CCSER1: variants seen among roughly 807,000 people sequenced by gnomAD.
CCSER1 encodes serine-rich coiled-coil domain-containing protein 1.
In CCSER1, 41 loss-of-function variants were observed where a neutral mutation model predicts 82.0. The observed-to-expected ratio is 0.50, with a 90% CI of 0.39 to 0.65. CCSER1 has a LOEUF of 0.65. Ranked by LOEUF, CCSER1 falls within the 30% of genes least tolerant of loss-of-function variation. CCSER1 has a pLI of 0.00. For synonymous variants in CCSER1, 414 were observed against 383.9 expected (o/e 1.08, Z -0.92); for missense variants, 1,119 against 1,064.2 (o/e 1.05, Z -0.72).
intron 4 of CCSER1, among the ~76,000 whole-genome samples, chr4:90,428,761 G>T (rs144352939): frequency 6.6e-6 from 1 of 151,792 alleles, no homozygotes; most frequent in East Asian, 1.9e-4. Flanking sequence ...AGAGTGAACT[G>T]TATTTATTTT....
Position 91,097,520 on chromosome 4 carries a change from C to T in CCSER1, c.2217+11526C>T, listed in dbSNP as rs1398027065. Among the ~76,000 whole-genome samples, 10 of 152,214 alleles carry T rather than the reference C, an allele frequency of 6.6e-5. No individual in the cohort carries two copies. In the East Asian group the frequency reaches 1.9e-3, roughly 29 times the overall value. ...TTCTGAAAAAAGGTTAATATTGGTA[C>T]ACTTGAATATTTTAGATAGTTTATA... On this transcript the variant is annotated intron_variant, in intron 10 of 10. Coordinates refer to ENST00000509176, the MANE Select transcript of CCSER1 (RefSeq NM_001145065.2).
intron 1 of CCSER1, among the ~76,000 whole-genome samples, chr4:90,301,602 T>G (rs1434406789): frequency 6.6e-6 from 1 of 152,098 alleles, no homozygotes. Flanking sequence ...TGTAACAAAT[T>G]TGTTTTTTCA....
At chr4:91,504,441 CT>C (rs1759379252) in intron 10 of CCSER1, among the ~76,000 whole-genome samples, 1 of 152,042 alleles carries the variant, frequency 6.6e-6, no homozygotes, top group African/African-American at 2.4e-5. Context: ...CAAGATTAGT[CT>C]TATGTTGCCT....
chr4:90,968,526 CAG>C (rs1734783770), intron 9 of CCSER1, among the ~76,000 whole-genome samples: 1 of 152,006 alleles, frequency 6.6e-6, no homozygotes, highest in African/African-American at 2.4e-5. Flanking sequence ...AGAAAATAAA[CAG>C]GGGACTCTCA....
chr4:91,211,375 A>G (rs1009918886), intron 10 of CCSER1, among the ~76,000 whole-genome samples: 3 of 152,032 alleles, frequency 2.0e-5, no homozygotes, highest in African/African-American at 7.2e-5. Context: ...TTAAGCTTTG[A>G]GAAAGGTTCT....
intron 1 of CCSER1, among the ~76,000 whole-genome samples, chr4:90,128,598 G>GC (rs1277734630): frequency 2.0e-5 from 3 of 152,064 alleles, no homozygotes; most frequent in African/African-American, 7.2e-5. Context: ...ACCGCATGTG[G>GC]CCCCCTGGCC....
chr4:91,263,869 A>G (rs991424145), intron 10 of CCSER1, among the ~76,000 whole-genome samples: 1 of 151,942 alleles, frequency 6.6e-6, no homozygotes, highest in Non-Finnish European at 1.5e-5. Context: ...TTGCTTTGCC[A>G]TAATATGTAT....
rs1391563618 is a variant in CCSER1 at position 91,014,412 on chromosome 4, C to T, written c.2173-71538C>T. Among the ~76,000 whole-genome samples the T allele has an allele frequency of 2.2e-5, 3 of 134,802 alleles. 1 individual carries two copies. In the East Asian group the frequency reaches 7.1e-4, roughly 32 times the overall value. 88.4% of individuals were successfully genotyped at this position (134,802 alleles called of 152,430 possible). Reference sequence around the variant, plus strand: ...CCTACCCTTAGAGTACCTCTGGTCACTTTTACTGCTTCTACTTCTCCACAC... The same window carrying T: ...CCTACCCTTAGAGTACCTCTGGTCATTTTTACTGCTTCTACTTCTCCACAC... On this transcript the variant is annotated intron_variant, in intron 9 of 10. Coordinates refer to ENST00000509176, the MANE Select transcript of CCSER1 (RefSeq NM_001145065.2).
chr4:90,400,599 T>C (rs1401676455), intron 4 of CCSER1, among the ~76,000 whole-genome samples: 1 of 152,086 alleles, frequency 6.6e-6, no homozygotes, highest in Admixed American at 6.5e-5. Flanking sequence ...TAATTACCAG[T>C]AGCAGTCACA....
At chr4:91,116,556 T>C (rs1726623257) in intron 10 of CCSER1, among the ~76,000 whole-genome samples, 1 of 152,218 alleles carries the variant, frequency 6.6e-6, no homozygotes, top group Non-Finnish European at 1.5e-5. Flanking sequence ...ATCTACTTCA[T>C]AGAGTTATTA....
intron 10 of CCSER1, among the ~76,000 whole-genome samples, chr4:91,516,969 T>C (rs530660950): frequency 6.6e-6 from 1 of 152,286 alleles, no homozygotes; most frequent in African/African-American, 2.4e-5. Context: ...CAGTTATAAA[T>C]GGCATTGCCC....
rs1370736210 is a variant in CCSER1, at chr4:90,530,764, G to T, written c.1724+62410G>T. On this transcript the variant is annotated intron_variant, in intron 5 of 10. Transcript: ENST00000509176. ...AGTCCACCAGATCTTAGCCAGCTTG[G>T]TCCATGCCCTGGTTTTCAGGGTCTT... 3.3e-5 allele frequency among the ~76,000 whole-genome samples: 5 copies of T among 152,122 alleles called. No homozygotes were observed. The South Asian group carries it at 1.0e-3, about 32-fold the overall frequency.
intron 10 of CCSER1, among the ~76,000 whole-genome samples, chr4:91,119,896 G>C (rs946453851): frequency 2.6e-5 from 4 of 151,920 alleles, no homozygotes; most frequent in Non-Finnish European, 5.9e-5. Context: ...AAAGCAGTTA[G>C]GAAGATTTGC....
At chr4:90,258,243 G>A (rs1723700206) in intron 1 of CCSER1, among the ~76,000 whole-genome samples, 2 of 152,122 alleles carry the variant, frequency 1.3e-5, no homozygotes, top group Admixed American at 1.3e-4. Context: ...GGATGGGCAC[G>A]GTGGCTCATG....
chr4:90,985,683 T>C (rs901686079), intron 9 of CCSER1, among the ~76,000 whole-genome samples: 1 of 151,764 alleles, frequency 6.6e-6, no homozygotes, highest in Non-Finnish European at 1.5e-5. Context: ...GTCATCTGAA[T>C]GGCATGTCTC....
chr4:90,920,893 A>G (rs1728283437), intron 8 of CCSER1, among the ~76,000 whole-genome samples: 1 of 151,920 alleles, frequency 6.6e-6, no homozygotes, highest in African/African-American at 2.4e-5. Context: ...ATACTGAAAT[A>G]AACTGATAAT....
intron 3 of CCSER1, among the ~76,000 whole-genome samples, chr4:90,383,248 C>T (rs923550616): frequency 1.3e-5 from 2 of 151,690 alleles, no homozygotes; most frequent in Non-Finnish European, 2.9e-5. Context: ...AAAGGTTAGG[C>T]TTAAAAAAAA....
At chr4:90,340,510 C>T (rs2153503943) in intron 3 of CCSER1, among the ~76,000 whole-genome samples, 1 of 152,198 alleles carries the variant, frequency 6.6e-6, no homozygotes, top group South Asian at 2.1e-4. Context: ...AAAAATCAGA[C>T]ATTTTGGCAT....
intron 1 of CCSER1, among the ~76,000 whole-genome samples, chr4:90,294,459 A>G (rs910340490): frequency 6.6e-6 from 1 of 152,168 alleles, no homozygotes; most frequent in South Asian, 2.1e-4. Flanking sequence ...TGAAGCAGTT[A>G]TTAAAACACT....
Sources: gnomAD v4.1 joint callset for allele counts (sites outside exome capture counted in the v4.1 genomes callset) on GRCh38, gnomAD v4.1.1 for gene constraint, MANE v1.5 for transcripts, NCBI Gene and HGNC (gene_info 2026-07-23, HGNC 2026-07-21) for gene names.